Variants in NAF1 observed in about 807,000 individuals in gnomAD.
NAF1 encodes the protein nuclear assembly factor 1 ribonucleoprotein.
In NAF1, 11 loss-of-function variants were observed where a neutral mutation model predicts 40.6. The observed-to-expected ratio is 0.27, with a 90% confidence interval of 0.17 to 0.45. The LOEUF is 0.45. Ranked by LOEUF, NAF1 falls within the 20% of genes least tolerant of loss-of-function variation. NAF1 has a pLI of 1.00. For synonymous variants in NAF1, 260 were observed against 228.5 expected (o/e 1.14, Z -1.24); for missense variants, 607 against 611.1 (o/e 0.99, Z 0.07).
At chr4:163,156,663 C>G (rs897120448) in intron 2 of NAF1, among the ~76,000 whole-genome samples, 8 of 152,074 alleles carry the variant, frequency 5.3e-5, no homozygotes, top group African/African-American at 1.7e-4. Flanking sequence ...AACATATTCC[C>G]AGGCATTAAC....
chr4:163,155,869 T>C (rs981499306), intron 2 of NAF1, among the ~76,000 whole-genome samples: 1 of 151,958 alleles, frequency 6.6e-6, no homozygotes, highest in Non-Finnish European at 1.5e-5. Flanking sequence ...ATTACCACTC[T>C]GGCAGTGCAC....
At chr4:163,145,676 G>T in intron 4 of NAF1, 106 bp downstream of exon 4, 1 of 711,966 alleles carries the variant, frequency 1.4e-6, no homozygotes, top group Non-Finnish European at 2.4e-6. Context: ...GCTCTAGATT[G>T]TCCATCAATT....
At chr4:163,106,510 C>T (rs937340278), downstream of NAF1, among the ~76,000 whole-genome samples, 3 of 152,094 alleles carry the variant, frequency 2.0e-5, no homozygotes, top group African/African-American at 7.2e-5. Flanking sequence ...CAACACTAGT[C>T]TAGCGTTTCC....
chr4:163,116,096 A>G (rs1730329164), intron 2 of NAF1, among the ~76,000 whole-genome samples: 1 of 152,204 alleles, frequency 6.6e-6, no homozygotes, highest in Non-Finnish European at 1.5e-5. Context: ...TTCTAAATAA[A>G]TTCCTAAAAC....
downstream of NAF1, among the ~76,000 whole-genome samples, chr4:163,107,101 C>T (rs1199928917): frequency 1.3e-4 from 20 of 152,138 alleles, no homozygotes; most frequent in Admixed American, 1.3e-3. Flanking sequence ...ATTCTCCTGC[C>T]TTAGCCTCCC....
At chr4:163,161,223 A>G (rs947194420) in intron 2 of NAF1, among the ~76,000 whole-genome samples, 2 of 152,218 alleles carry the variant, frequency 1.3e-5, no homozygotes, top group African/African-American at 4.8e-5. Flanking sequence ...CTGTAATCCC[A>G]GCACTTTGGG....
chr4:163,106,274 A>G (rs887689709), downstream of NAF1, among the ~76,000 whole-genome samples: 10 of 152,226 alleles, frequency 6.6e-5, no homozygotes, highest in African/African-American at 2.4e-4. Flanking sequence ...TTTGTAAATT[A>G]AAGTATGCCA....
chr4:163,112,254 A>G (rs546091891), intron 2 of NAF1, among the ~76,000 whole-genome samples: 1 of 152,310 alleles, frequency 6.6e-6, no homozygotes, highest in Admixed American at 6.5e-5. Context: ...TAAAGTGATT[A>G]GCTTTAAGTA....
At chr4:163,132,273 T>G (rs1288490423) in intron 7 of NAF1, among the ~76,000 whole-genome samples, 2 of 152,342 alleles carry the variant, frequency 1.3e-5, no homozygotes, top group African/African-American at 2.4e-5. Context: ...TATAAATATT[T>G]ATAGCTGCTT....
intron 3 of NAF1, among the ~76,000 whole-genome samples, chr4:163,146,696 C>T (rs1041202111): frequency 6.6e-5 from 10 of 152,154 alleles, no homozygotes; most frequent in Non-Finnish European, 1.5e-4. Flanking sequence ...CTCACGCCTG[C>T]AGCACTCTGG....
Position 163,133,265 on chromosome 4 carries a change from G to C in NAF1, c.931-9C>G. The C allele has an allele frequency of 6.2e-7, 1 of 1,604,374 alleles. No individual in the cohort carries two copies. The highest frequency in any genetic ancestry group is 1.7e-5 in the Admixed American group (1 of 59,834). The stretch of plus-strand genomic sequence containing the variant: ...TCACTAAAATCTAAGGCCTTGCAGA[G>C]AAAAGTATATAATAGGTTTATGTTA... On this transcript the variant is annotated splice_polypyrimidine_tract_variant and intron_variant, in intron 6 of 7. Transcript: ENST00000274054.
At chr4:163,163,845 T>C (rs1203674186) in intron 2 of NAF1, among the ~76,000 whole-genome samples, 1 of 151,808 alleles carries the variant, frequency 6.6e-6, no homozygotes, top group African/African-American at 2.4e-5. Flanking sequence ...ACCAAAAAAA[T>C]TGATTTCAAT....
At chr4:163,131,638 A>C (rs1196979505) in intron 7 of NAF1, among the ~76,000 whole-genome samples, 5 of 152,206 alleles carry the variant, frequency 3.3e-5, no homozygotes, top group African/African-American at 9.6e-5. Flanking sequence ...CAAAACTTTT[A>C]GGGAAAAAAT....
chr4:163,144,677 T>C (rs1021100338), intron 4 of NAF1, among the ~76,000 whole-genome samples: 1 of 152,226 alleles, frequency 6.6e-6, no homozygotes, highest in African/African-American at 2.4e-5. Flanking sequence ...CTATGTAAAA[T>C]TTAGAAATAG....
In NAF1 at chr4:163,166,790, C is replaced by T; in HGVS notation, c.-63G>A. 1.9e-6 allele frequency: 3 copies of T among 1,582,912 alleles called. No individual in the cohort carries two copies. The highest frequency in any genetic ancestry group is 2.6e-6 in the Non-Finnish European group (3 of 1,167,272). On this transcript the variant is annotated 5_prime_UTR_variant, in exon 1 of 8. Transcript: ENST00000274054. Reference sequence around the variant, plus strand: ...GGCCCCTGGACAAGCTCACGGCTCTCTCCAGAAATAGAAAAACAACTTAGG... The same window carrying T: ...GGCCCCTGGACAAGCTCACGGCTCTTTCCAGAAATAGAAAAACAACTTAGG...
At chr4:163,130,564 C>T (rs964083236) in intron 7 of NAF1, among the ~76,000 whole-genome samples, 23 of 152,026 alleles carry the variant, frequency 1.5e-4, no homozygotes, top group African/African-American at 5.1e-4. Context: ...TGAAAGGACA[C>T]ACAAATAAAT....
chr4:163,113,140 T>C (rs2110802602), intron 2 of NAF1, among the ~76,000 whole-genome samples: 1 of 152,318 alleles, frequency 6.6e-6, no homozygotes, highest in South Asian at 2.1e-4. Flanking sequence ...TGGCAAGCAC[T>C]TCAGGGTTCC....
At chr4:163,126,215 G>C (rs141994293), downstream of NAF1, among the ~76,000 whole-genome samples, 3 of 152,098 alleles carry the variant, frequency 2.0e-5, no homozygotes, top group African/African-American at 7.2e-5. Flanking sequence ...TTTTTGCAAG[G>C]CTATAGCTGT....
intron 7 of NAF1, among the ~76,000 whole-genome samples, chr4:163,132,489 T>TTCA (rs1189815943): frequency 1.3e-5 from 2 of 152,224 alleles, no homozygotes; most frequent in Admixed American, 1.3e-4. Flanking sequence ...AGTGTATAAC[T>TTCA]TCACTTATAT....
Sources: gnomAD v4.1 joint callset for allele counts (sites outside exome capture counted in the v4.1 genomes callset) on GRCh38, gnomAD v4.1.1 for gene constraint, MANE v1.5 for transcripts, NCBI Gene and HGNC (gene_info 2026-07-23, HGNC 2026-07-21) for gene names.